The following MAP4 variants were observed in gnomAD, a reference collection of about 807,000 sequenced individuals.
MAP4 encodes microtubule associated protein 4, also known as microtubule-associated protein 4.
Under a neutral mutation model 170.2 loss-of-function variants are expected in MAP4, and 76 were observed. The observed-to-expected ratio is 0.45, with a 90% CI of 0.37 to 0.54. The LOEUF (loss-of-function observed/expected upper bound fraction) is 0.54, where lower values mean the gene tolerates loss of function less well. Among genes scored for constraint, MAP4 ranks in the 20% least tolerant of loss-of-function variants. The probability of loss-of-function intolerance (pLI) is 0.00; values close to 1 mark genes in which losing one functional copy is unlikely to be tolerated. For missense variants in MAP4, 2,506 were observed against 2,748.0 expected, an observed-to-expected ratio of 0.91 and a Z score of 1.97; for synonymous variants, 909 against 994.5, an observed-to-expected ratio of 0.91 and a Z score of 1.62.
chr3:47,975,936 C>T (rs149667185), intron 3 of MAP4, among the ~76,000 whole-genome samples: 2 of 152,086 alleles, frequency 1.3e-5, no homozygotes, highest in East Asian at 3.9e-4. Flanking sequence ...ACTACAGGCA[C>T]GTGCCACCAC....
intron 19 of MAP4, among the ~76,000 whole-genome samples, chr3:47,853,997 G>C (rs1340881528): frequency 6.6e-6 from 1 of 152,214 alleles, no homozygotes; most frequent in African/African-American, 2.4e-5. Flanking sequence ...GGAAGGCAGA[G>C]AAGAGAGAAC....
intron 6 of MAP4, among the ~76,000 whole-genome samples, chr3:47,918,435 A>G (rs995124465): frequency 6.6e-6 from 1 of 152,042 alleles, no homozygotes; most frequent in Non-Finnish European, 1.5e-5. Context: ...TCTGTACTGA[A>G]TTAAAAAAAA....
intron 12 of MAP4, among the ~76,000 whole-genome samples, chr3:47,872,894 G>C (rs1041597372): frequency 3.9e-5 from 6 of 152,096 alleles, no homozygotes; most frequent in African/African-American, 7.2e-5. Flanking sequence ...TGTTCAAATC[G>C]AGCCATTCTT....
Position 47,912,253 on chromosome 3 carries a change from T to A in MAP4, c.2168A>T (p.Glu723Val), listed in dbSNP as rs1218674984. 1.2e-5 allele frequency: 18 copies of A among 1,536,076 alleles called. No individual in the cohort carries two copies. Among genetic ancestry groups the A allele is most frequent in the Non-Finnish European group, 1.6e-5 (18 of 1,146,888 alleles). ...DHRLGHCSLS[E>V]SGWVSGSSSC... ...GGATGAACCAGAGACCCAACCTGACTCAGACAAAGAGCAGTGGCCCAGCCT... is the reference window on the plus strand; with the variant it reads ...GGATGAACCAGAGACCCAACCTGACACAGACAAAGAGCAGTGGCCCAGCCT... Residue 723 changes from glutamate (E) to valine (V), a missense_variant, in exon 9 of 21, where the codon GAG becomes GTG. Coordinates refer to ENST00000683076, the MANE Select transcript of MAP4 (RefSeq NM_001385682.1).
At chr3:48,032,442 C>G (rs2154520877) in intron 1 of MAP4, among the ~76,000 whole-genome samples, 1 of 150,740 alleles carries the variant, frequency 6.6e-6, no homozygotes, top group African/African-American at 2.4e-5. Flanking sequence ...GCGGAGGTTG[C>G]AGTTAGCCCA....
chr3:48,081,882 G>A (rs2100146840), intron 1 of MAP4, among the ~76,000 whole-genome samples: 1 of 152,142 alleles, frequency 6.6e-6, no homozygotes. Flanking sequence ...AGAAATGGCT[G>A]ATTTTAGGGT....
chr3:47,926,903 A>G (rs1209790605), intron 4 of MAP4, among the ~76,000 whole-genome samples: 2 of 151,778 alleles, frequency 1.3e-5, no homozygotes, highest in Non-Finnish European at 2.9e-5. Context: ...AGTGGCTCAC[A>G]CCTGTAATCC....
intron 3 of MAP4, among the ~76,000 whole-genome samples, chr3:47,929,602 G>GT (rs1017516617): frequency 1.1e-5 from 1 of 93,852 alleles, no homozygotes; most frequent in Non-Finnish European, 1.9e-5. Context: ...AAGACCTAAC[G>GT]TAGCTCACTT....
intron 3 of MAP4, among the ~76,000 whole-genome samples, chr3:47,951,548 C>T (rs1201019523): frequency 6.6e-6 from 1 of 152,208 alleles, no homozygotes; most frequent in Non-Finnish European, 1.5e-5. Flanking sequence ...GACAGGGTTT[C>T]GCTGTGTTGG....
rs1275237910 is a variant in MAP4, at chr3:48,016,317, CTACCTTGCT to C, written c.-20+8_-20+16del. On this transcript the variant is annotated splice_region_variant and intron_variant, in intron 1 of 20. Transcript: ENST00000683076. ...AACCTTGCATCACAAAGTTAAAAGGCTACCTTGCTTACTTACAGGAACTATCCAGGCAGC... is the reference window on the plus strand; with the variant it reads ...AACCTTGCATCACAAAGTTAAAAGGCTACTTACAGGAACTATCCAGGCAGC... The C allele has an allele frequency of 1.4e-5, 2 of 146,766 alleles. No homozygotes were observed. Among genetic ancestry groups the C allele is most frequent in the Non-Finnish European group, 3.0e-5 (2 of 67,568 alleles). The allele number at this position is 146,766 out of a possible 1,614,324, so 9.1% of individuals were successfully genotyped here.
chr3:47,975,212 T>C (rs1165786409), intron 3 of MAP4: 22 of 1,256,598 alleles, frequency 1.8e-5, no homozygotes, highest in Non-Finnish European at 2.1e-5. Context: ...AAAGAATTCA[T>C]TTTGCACTTT....
At chr3:47,980,325 C>A (rs1229171945) in intron 2 of MAP4, among the ~76,000 whole-genome samples, 8 of 152,238 alleles carry the variant, frequency 5.3e-5, no homozygotes, top group Non-Finnish European at 1.0e-4. Context: ...TTTTAGCAAC[C>A]AGCCTAGCTC....
chr3:47,998,507 C>T, intron 2 of MAP4, 131 bp downstream of exon 2: 1 of 715,720 alleles, frequency 1.4e-6, no homozygotes, highest in Non-Finnish European at 2.4e-6. Flanking sequence ...CGGTATCTAA[C>T]AAAGAAACAT....
chr3:47,959,446 C>T (rs2100070034), intron 3 of MAP4, among the ~76,000 whole-genome samples: 1 of 148,872 alleles, frequency 6.7e-6, no homozygotes, highest in Non-Finnish European at 1.5e-5. Flanking sequence ...GGCAAAAGAG[C>T]GATTTTCAAG....
intron 10 of MAP4, among the ~76,000 whole-genome samples, chr3:47,883,374 G>A (rs551747289): frequency 9.9e-5 from 15 of 152,064 alleles, no homozygotes; most frequent in Non-Finnish European, 1.3e-4. Context: ...ACAGGTATGC[G>A]TCACCACGCC....
intron 1 of MAP4, among the ~76,000 whole-genome samples, chr3:48,003,789 A>C (rs2100100636): frequency 6.6e-6 from 1 of 152,090 alleles, no homozygotes; most frequent in Non-Finnish European, 1.5e-5. Context: ...TTAACATTTG[A>C]GTCAGTGGGC....
At chr3:47,989,340 A>T (rs1171371782) in intron 2 of MAP4, among the ~76,000 whole-genome samples, 1 of 152,230 alleles carries the variant, frequency 6.6e-6, no homozygotes, top group East Asian at 1.9e-4. Context: ...CTAAATGATC[A>T]AATGCAACCT....
chr3:47,850,808 C>G lies in MAP4; in HGVS notation c.*2126G>C, dbSNP rs1156661231. ...GCAAATCGAGAAGTACAGAAATGTC[C>G]CACCCCAAACAGCTGCGGAGTACAC... On this transcript the variant is annotated 3_prime_UTR_variant, in exon 21 of 21. Transcript: ENST00000683076. The G allele has an allele frequency of 6.6e-6, 1 of 152,352 alleles. No individual in the cohort carries two copies. Among genetic ancestry groups the G allele is most frequent in the Non-Finnish European group, 1.5e-5 (1 of 68,246 alleles). The allele number at this position is 152,352 out of a possible 1,614,324, so 9.4% of individuals were successfully genotyped here. A position where few individuals can be genotyped will look rare whatever the true frequency, so the allele number is the denominator to read the frequency against.
chr3:48,063,548 A>C (rs575391463), intron 1 of MAP4, among the ~76,000 whole-genome samples: 2 of 152,336 alleles, frequency 1.3e-5, no homozygotes, highest in East Asian at 3.9e-4. Context: ...CTACATGTGG[A>C]CATTTATAGT....
Sources: allele counts gnomAD v4.1 joint callset (sites outside exome capture counted in the v4.1 genomes callset), GRCh38; gene constraint gnomAD v4.1.1; transcripts MANE v1.5; gene names NCBI Gene and HGNC (gene_info 2026-07-23, HGNC 2026-07-21).